MAF: variants seen among roughly 807,000 people sequenced by gnomAD.
MAF encodes the protein transcription factor Maf.
Under a neutral mutation model 22.0 loss-of-function variants are expected in MAF, and 10 were observed. The observed-to-expected ratio is 0.45, with a 90% CI of 0.28 to 0.77. MAF has a LOEUF of 0.77. Among genes scored for constraint, MAF ranks in the 30% least tolerant of loss-of-function variants. The pLI is 0.12. For missense variants in MAF, 544 were observed against 548.4 expected (o/e 0.99, Z 0.08); for synonymous variants, 337 against 255.8 (o/e 1.32, Z -3.03).
intron 1 of MAF, chr16:79,595,127 A>G: frequency 3.3e-6 from 3 of 921,254 alleles, no homozygotes; most frequent in Non-Finnish European, 2.6e-6. Context: ...TGATGAGGAA[A>G]AAAAAAAAAA....
the MAF span, among the ~76,000 whole-genome samples, chr16:79,389,988 A>G: frequency 1.3e-5 from 2 of 150,860 alleles, no homozygotes; most frequent in African/African-American, 4.9e-5. Context: ...AAAAAAAAAA[A>G]AAAAAAAAAA....
At chr16:79,519,359 T>A in the MAF span, among the ~76,000 whole-genome samples, 3 of 152,304 alleles carry the variant, frequency 2.0e-5, no homozygotes, top group East Asian at 5.8e-4. Context: ...TCCCAGAGGT[T>A]AGGTCAGCTC....
At chr16:79,522,403 C>G in the MAF span, among the ~76,000 whole-genome samples, 2 of 152,178 alleles carry the variant, frequency 1.3e-5, no homozygotes, top group Non-Finnish European at 2.9e-5. Flanking sequence ...CCACCCCCAA[C>G]AGAGCTGCTA....
At chr16:79,417,188 G>A in the MAF span, among the ~76,000 whole-genome samples, 15 of 152,134 alleles carry the variant, frequency 9.9e-5, no homozygotes, top group Admixed American at 3.3e-4. Context: ...AGACTTGGGC[G>A]TTCATAGAAC....
the MAF span, among the ~76,000 whole-genome samples, chr16:79,261,737 G>C: frequency 2.0e-5 from 3 of 152,204 alleles, no homozygotes; most frequent in Non-Finnish European, 4.4e-5. Context: ...CAAAGAATGA[G>C]AAGTTCCTGC....
the MAF span, among the ~76,000 whole-genome samples, chr16:79,282,479 A>T: frequency 6.6e-6 from 1 of 152,150 alleles, no homozygotes; most frequent in African/African-American, 2.4e-5. Context: ...AAAGAGTGGG[A>T]GCCTGAATCT....
the MAF span, among the ~76,000 whole-genome samples, chr16:79,475,140 T>C: frequency 6.6e-6 from 1 of 152,184 alleles, no homozygotes; most frequent in Non-Finnish European, 1.5e-5. Flanking sequence ...CTCTTTGCCT[T>C]TGTGGCATCT....
chr16:79,364,406 G>C, the MAF span, among the ~76,000 whole-genome samples: 7 of 152,276 alleles, frequency 4.6e-5, no homozygotes, highest in South Asian at 1.5e-3. Context: ...TCACTAGTCA[G>C]AAGGAGACAC....
chr16:79,442,428 G>T, the MAF span, among the ~76,000 whole-genome samples: 1 of 152,092 alleles, frequency 6.6e-6, no homozygotes, highest in African/African-American at 2.4e-5. Flanking sequence ...CTGGAATGTA[G>T]CAGCCCAGTT....
the MAF span, among the ~76,000 whole-genome samples, chr16:79,501,911 A>G: frequency 3.3e-5 from 5 of 152,174 alleles, no homozygotes; most frequent in African/African-American, 9.7e-5. Context: ...TTCCCCCGCC[A>G]GCGGCTTGAA....
At chr16:79,555,320 A>G in the MAF span, among the ~76,000 whole-genome samples, 2 of 152,124 alleles carry the variant, frequency 1.3e-5, no homozygotes, top group Non-Finnish European at 2.9e-5. Context: ...ACAAGAACCA[A>G]TACTCTAGAC....
the MAF span, among the ~76,000 whole-genome samples, chr16:79,346,479 G>T: frequency 2.6e-5 from 4 of 152,154 alleles, no homozygotes; most frequent in East Asian, 7.7e-4. Flanking sequence ...AAGAAAAAGG[G>T]CGTCATTCTT....
At chr16:79,332,867 T>A in the MAF span, among the ~76,000 whole-genome samples, 1 of 152,158 alleles carries the variant, frequency 6.6e-6, no homozygotes, top group Non-Finnish European at 1.5e-5. Flanking sequence ...GGAAGGGAAG[T>A]AGTTTGCCCA....
At chr16:79,226,778 G>C in the MAF span, among the ~76,000 whole-genome samples, 1 of 152,032 alleles carries the variant, frequency 6.6e-6, no homozygotes, top group Non-Finnish European at 1.5e-5. Context: ...TGCTCTAATA[G>C]TTTTTAAAAA....
the MAF span, among the ~76,000 whole-genome samples, chr16:79,476,599 T>C: frequency 2.0e-5 from 3 of 152,208 alleles, no homozygotes; most frequent in Non-Finnish European, 1.5e-5. Flanking sequence ...CCTCAGATTT[T>C]TCATCTTCCA....
the MAF span, among the ~76,000 whole-genome samples, chr16:79,450,750 G>A: frequency 1.1e-4 from 17 of 152,034 alleles, no homozygotes; most frequent in Non-Finnish European, 2.4e-4. Flanking sequence ...TCAGAATTGT[G>A]GCCCATGGAG....
chr16:79,223,236 G>T, the MAF span, among the ~76,000 whole-genome samples: 5 of 152,110 alleles, frequency 3.3e-5, no homozygotes. Flanking sequence ...CAACTACATG[G>T]AACCTGAACA....
At position 79,600,166 on chromosome 16, in the gene MAF, G is replaced by T. The variant is rs879696972; in HGVS notation, c.-264C>A. 2 of 413,238 alleles carry T rather than the reference G, an allele frequency of 4.8e-6. No individual in the cohort carries two copies. The highest frequency in any genetic ancestry group is 8.8e-5 in the South Asian group (2 of 22,768). 25.6% of individuals were successfully genotyped at this position (413,238 alleles called of 1,614,324 possible). A position where few individuals can be genotyped will look rare whatever the true frequency, so the allele number is the denominator to read the frequency against. On this transcript the variant is annotated 5_prime_UTR_variant, in exon 1 of 2. Coordinates refer to ENST00000326043, the MANE Select transcript of MAF (RefSeq NM_005360.5). ...CGCTCGCCCCGGCCCCTCCTTGCTC[G>T]CTCGCCTCCTTGCGCGCCGAGCCGG...
chr16:79,381,072 G>C, the MAF span, among the ~76,000 whole-genome samples: 7 of 152,376 alleles, frequency 4.6e-5, no homozygotes, highest in African/African-American at 1.4e-4. Context: ...TGGCCTCCCT[G>C]AACAGAATGA....
Sources: gnomAD v4.1 joint callset for allele counts (sites outside exome capture counted in the v4.1 genomes callset) on GRCh38, gnomAD v4.1.1 for gene constraint, MANE v1.5 for transcripts, NCBI Gene and HGNC (gene_info 2026-07-23, HGNC 2026-07-21) for gene names.